Variants in PCDH17 observed in about 807,000 individuals in gnomAD.
PCDH17 encodes protocadherin 17, also known as protocadherin-17.
PCDH17 carries 21 observed loss-of-function variants against 67.7 expected under a neutral mutation model. The ratio of observed to expected loss-of-function variants is 0.31; its 90% CI spans 0.22 to 0.45. PCDH17 has a LOEUF of 0.45. Among genes scored for constraint, PCDH17 ranks in the 20% least tolerant of loss-of-function variants. The probability of loss-of-function intolerance (pLI) is 1.00; values close to 1 mark genes in which losing one functional copy is unlikely to be tolerated. For synonymous variants in PCDH17, 701 were observed against 656.7 expected, an observed-to-expected ratio of 1.07 and a Z score of -1.03; for missense variants, 1,471 against 1,564.8, an observed-to-expected ratio of 0.94 and a Z score of 1.01.
intron 3 of PCDH17, among the ~76,000 whole-genome samples, chr13:57,696,179 A>G (rs1955607166): frequency 6.6e-6 from 1 of 151,596 alleles, no homozygotes; most frequent in South Asian, 2.1e-4. Flanking sequence ...TGTAATTACT[A>G]CCTTGATTTT....
intron 3 of PCDH17, among the ~76,000 whole-genome samples, chr13:57,670,167 C>G (rs983649177): frequency 6.6e-6 from 1 of 151,852 alleles, no homozygotes; most frequent in African/African-American, 2.4e-5. Flanking sequence ...GAGTAGTTTA[C>G]TCAGAAATAA....
intron 1 of PCDH17, among the ~76,000 whole-genome samples, chr13:57,647,324 A>C (rs1170852071): frequency 6.6e-6 from 1 of 151,832 alleles, no homozygotes; most frequent in Non-Finnish European, 1.5e-5. Context: ...ATTATTATTT[A>C]TGTCTTATGC....
rs139569515 is a variant in PCDH17, at chr13:57,632,078, T to C, written c.-469T>C. 1,621 of 199,794 alleles carry C rather than the reference T, an allele frequency of 8.1e-3. 29 individuals are homozygous for C. The highest frequency in any genetic ancestry group is 0.035 in the African/African-American group (1,478 of 41,962). 12.4% of individuals were successfully genotyped at this position (199,794 alleles called of 1,614,324 possible). On this transcript the variant is annotated 5_prime_UTR_variant, in exon 1 of 4. An upstream open reading frame in the 5' UTR loses its in-frame stop. Coordinates refer to ENST00000377918, the MANE Select transcript of PCDH17 (RefSeq NM_001040429.3). ...TCCCTGCTCCCTCCCCCACTCGATG[T>C]GAAGAGTATTCCGGAGTCTCCGGGC...
intron 1 of PCDH17, among the ~76,000 whole-genome samples, chr13:57,655,069 T>C (rs1955086863): frequency 6.6e-6 from 1 of 151,950 alleles, no homozygotes; most frequent in African/African-American, 2.4e-5. Context: ...TTGTTGTTTA[T>C]AGTCATAAAA....
chr13:57,634,773 C>G lies in PCDH17; in HGVS notation c.2227C>G (p.Arg743Gly), dbSNP rs1206575032. 6 of 1,613,974 alleles carry G rather than the reference C, an allele frequency of 3.7e-6. No homozygotes were observed. The highest frequency in any genetic ancestry group is 1.7e-5 in the Admixed American group (1 of 60,012). Residue 743 changes from arginine to glycine, a missense_variant, in exon 1 of 4, where the codon CGC (arginine) becomes GGC (glycine). By Grantham distance (125) the Arg-to-Gly change is moderately radical (BLOSUM62 -2). This residue lies in a region of PCDH17 where 1,163 missense variants were observed against 1,230.0 expected (regional missense o/e 0.95). Coordinates refer to ENST00000377918, the MANE Select transcript of PCDH17 (RefSeq NM_001040429.3). The surrounding 1 kb of genome is among the most constrained non-coding windows in gnomAD (Gnocchi z 7.8). ...ENKEIRTYNC[R>G]IAEYSHPQLG... Reference sequence around the variant, plus strand: ...CAAGGAGATCCGCACTTACAACTGCCGCATCGCCGAGTACAGCCACCCGCA... The same window carrying G: ...CAAGGAGATCCGCACTTACAACTGCGGCATCGCCGAGTACAGCCACCCGCA...
At position 57,729,124 on chromosome 13, in the gene PCDH17, G is replaced by A. The variant is rs1297625909; in HGVS notation, c.*3830G>A. On this transcript the variant is annotated 3_prime_UTR_variant, in exon 4 of 4. Coordinates refer to ENST00000377918, the MANE Select transcript of PCDH17 (RefSeq NM_001040429.3). ...CTTTCCTGGCCCCAGTGTTTTGCAG[G>A]TTGGCTATTTCCATTATCAGCCCAT... 6.6e-6 allele frequency: 1 copy of A among 152,082 alleles called. No homozygotes were observed. The highest frequency in any genetic ancestry group is 1.5e-5 in the Non-Finnish European group (1 of 68,000). 9.4% of individuals were successfully genotyped at this position (152,082 alleles called of 1,614,324 possible). A position where few individuals can be genotyped will look rare whatever the true frequency, so the allele number is the denominator to read the frequency against.
At chr13:57,699,521 A>C (rs1955643074) in intron 3 of PCDH17, among the ~76,000 whole-genome samples, 1 of 151,914 alleles carries the variant, frequency 6.6e-6, no homozygotes, top group African/African-American at 2.4e-5. Flanking sequence ...CTGGATCCTC[A>C]TGCCTTTTTA....
intron 3 of PCDH17, among the ~76,000 whole-genome samples, chr13:57,685,233 A>C (rs1255851931): frequency 6.6e-6 from 1 of 151,970 alleles, no homozygotes; most frequent in East Asian, 1.9e-4. Flanking sequence ...ACTATAAGTA[A>C]ATTCTTATAA....
chr13:57,641,338 A>T (rs541602693), intron 1 of PCDH17, among the ~76,000 whole-genome samples: 3 of 151,196 alleles, frequency 2.0e-5, no homozygotes, highest in Admixed American at 6.6e-5. Context: ...CAACATCCCT[A>T]CTGTGACTAA....
At chr13:57,703,543 ACTTT>A (rs944929331) in intron 3 of PCDH17, among the ~76,000 whole-genome samples, 4 of 152,110 alleles carry the variant, frequency 2.6e-5, no homozygotes, top group African/African-American at 9.7e-5. Flanking sequence ...TTTCTCCTGC[ACTTT>A]CTATTATGTT....
chr13:57,724,866 T>C lies in PCDH17; in HGVS notation c.3052T>C (p.Tyr1018His), dbSNP rs1276027804. The change falls in exon 4 of 4, where the codon TAT (tyrosine) becomes CAT (histidine). Residue 1018 changes from tyrosine (Y) to histidine (H), a missense_variant. Tyr to His is a moderately conservative substitution (Grantham distance 83). Transcript: ENST00000377918. Reference sequence around the variant, plus strand: ...TATTCTCATTGCCAACGTTAAACCTTATTTAAAAGCCAAACGTGCCCTGAG... The same window carrying C: ...TATTCTCATTGCCAACGTTAAACCTCATTTAAAAGCCAAACGTGCCCTGAG... ...HTILIANVKPYLKAKRALSPL... is the reference protein window; with the variant it reads ...HTILIANVKPHLKAKRALSPL... 1.2e-6 allele frequency: 2 copies of C among 1,614,162 alleles called. No homozygotes were observed. The highest frequency in any genetic ancestry group is 2.2e-5 in the South Asian group (2 of 91,086).
chr13:57,710,137 G>A (rs982215714), intron 3 of PCDH17, among the ~76,000 whole-genome samples: 3 of 151,864 alleles, frequency 2.0e-5, no homozygotes, highest in Non-Finnish European at 4.4e-5. Flanking sequence ...GTACAGGAAA[G>A]AAAAACTTGA....
intron 1 of PCDH17, among the ~76,000 whole-genome samples, chr13:57,645,385 C>A (rs921911001): frequency 7.9e-5 from 12 of 151,526 alleles, no homozygotes; most frequent in Non-Finnish European, 1.8e-4. Context: ...ATAGTTAAGT[C>A]ATTTTCGACA....
intron 3 of PCDH17, among the ~76,000 whole-genome samples, chr13:57,714,764 T>C (rs144886533): frequency 9.2e-5 from 14 of 151,860 alleles, no homozygotes; most frequent in African/African-American, 2.9e-4. Flanking sequence ...TTAATTCATA[T>C]GTTGATGATA....
intron 3 of PCDH17, among the ~76,000 whole-genome samples, chr13:57,723,103 T>C (rs1248180794): frequency 6.6e-6 from 1 of 152,238 alleles, no homozygotes; most frequent in Admixed American, 6.5e-5. Flanking sequence ...TCCTGCATAA[T>C]AAATTTAACA....
intron 3 of PCDH17, among the ~76,000 whole-genome samples, chr13:57,694,020 A>G (rs992559876): frequency 2.7e-5 from 4 of 150,854 alleles, no homozygotes; most frequent in African/African-American, 9.7e-5. Flanking sequence ...ATACAAGGCA[A>G]GTCTAGGCAG....
intron 3 of PCDH17, among the ~76,000 whole-genome samples, chr13:57,708,847 C>T (rs1055435982): frequency 5.3e-5 from 8 of 151,866 alleles, no homozygotes; most frequent in Non-Finnish European, 1.2e-4. Context: ...GCAAGACTTT[C>T]AGGCAGCAAT....
intron 3 of PCDH17, among the ~76,000 whole-genome samples, chr13:57,671,060 C>A (rs992752530): frequency 4.0e-5 from 6 of 151,800 alleles, no homozygotes. Flanking sequence ...TATCTAGTTT[C>A]TTTCCATTTT....
intron 3 of PCDH17, among the ~76,000 whole-genome samples, chr13:57,694,374 T>C (rs1236852659): frequency 2.0e-5 from 3 of 151,210 alleles, no homozygotes; most frequent in Non-Finnish European, 4.5e-5. Context: ...TAGAATCCAA[T>C]GAGCAATGAA....
Sources: allele counts gnomAD v4.1 joint callset (sites outside exome capture counted in the v4.1 genomes callset), GRCh38; gene constraint gnomAD v4.1.1; regional missense constraint gnomAD v4.1.1; non-coding constraint Gnocchi (gnomAD v3.1); transcripts MANE v1.5; gene names NCBI Gene and HGNC (gene_info 2026-07-23, HGNC 2026-07-21).